LRRC37A: variants seen among roughly 807,000 people sequenced by gnomAD.
The protein encoded by LRRC37A is leucine-rich repeat-containing protein 37A.
In LRRC37A, 3 loss-of-function variants were observed where a neutral mutation model predicts 35.4. The observed-to-expected ratio is 0.08, with a 90% CI of 0.04 to 0.22. The LOEUF is 0.22. Ranked by LOEUF, LRRC37A falls within the 10% of genes least tolerant of loss-of-function variation. LRRC37A has a pLI of 1.00. For missense variants in LRRC37A, 67 were observed against 565.3 expected (o/e 0.12, Z 8.94); for synonymous variants, 23 against 215.0 (o/e 0.11, Z 7.81).
At chr17:46,261,859 A>G in the LRRC37A span, among the ~76,000 whole-genome samples, 1 of 152,336 alleles carries the variant, frequency 6.6e-6, no homozygotes, top group Non-Finnish European at 1.5e-5. Context: ...AACTTTTTAA[A>G]TGTTTAATAA....
chr17:46,266,803 C>T, the LRRC37A span, among the ~76,000 whole-genome samples: 3 of 151,852 alleles, frequency 2.0e-5, no homozygotes, highest in African/African-American at 7.3e-5. Flanking sequence ...TCCGTGAGGC[C>T]GCACACGCTC....
the LRRC37A span, among the ~76,000 whole-genome samples, chr17:46,282,018 A>G: frequency 6.6e-6 from 1 of 151,962 alleles, no homozygotes; most frequent in Non-Finnish European, 1.5e-5. Flanking sequence ...CCTTGCCTAT[A>G]TATATATTCA....
the LRRC37A span, among the ~76,000 whole-genome samples, chr17:46,269,276 G>A: frequency 2.0e-5 from 3 of 152,372 alleles, no homozygotes; most frequent in South Asian, 6.2e-4. Context: ...GCTCACACCT[G>A]TAATCCCAGC....
the LRRC37A span, among the ~76,000 whole-genome samples, chr17:46,250,731 T>G: frequency 4.2e-4 from 64 of 152,212 alleles, no homozygotes; most frequent in Non-Finnish European, 3.7e-4. Context: ...ATTCTGTCCC[T>G]CTAGAGAACC....
the LRRC37A span, chr17:46,268,737 A>G: frequency 7.4e-7 from 1 of 1,342,532 alleles, no homozygotes; most frequent in Non-Finnish European, 9.9e-7. Context: ...GACATCGGCA[A>G]CAAGACATGA....
At chr17:46,268,603 G>A in the LRRC37A span, 1 of 1,548,650 alleles carries the variant, frequency 6.5e-7, no homozygotes, top group Non-Finnish European at 8.7e-7. Context: ...CCAGGGGATG[G>A]ACTGCTGAGG....
the LRRC37A span, among the ~76,000 whole-genome samples, chr17:46,278,264 T>C: frequency 6.6e-6 from 1 of 152,214 alleles, no homozygotes; most frequent in Non-Finnish European, 1.5e-5. Context: ...TTTCTTATAC[T>C]GCTCTTTCTT....
chr17:46,332,972 C>A (rs1388059962), intron 10 of LRRC37A, among the ~76,000 whole-genome samples: 1 of 150,718 alleles, frequency 6.6e-6, no homozygotes, highest in African/African-American at 2.5e-5. Flanking sequence ...CATCAAGTCA[C>A]CCTTACTCTG....
At chr17:46,266,266 C>G in the LRRC37A span, among the ~76,000 whole-genome samples, 1 of 152,204 alleles carries the variant, frequency 6.6e-6, no homozygotes, top group Non-Finnish European at 1.5e-5. Context: ...CCCTCAGTCC[C>G]GAAACACCCT....
chr17:46,267,891 ATCTTT>A, the LRRC37A span, among the ~76,000 whole-genome samples: 1 of 118,352 alleles, frequency 8.4e-6, no homozygotes, highest in Non-Finnish European at 1.7e-5. Flanking sequence ...CCACTCCCAC[ATCTTT>A]TTTTTTTTTT....
the LRRC37A span, among the ~76,000 whole-genome samples, chr17:46,266,230 C>A: frequency 6.6e-6 from 1 of 152,206 alleles, no homozygotes; most frequent in Non-Finnish European, 1.5e-5. Flanking sequence ...AAAAAAGCGG[C>A]CATCACTCTT....
chr17:46,272,069 T>C, the LRRC37A span, among the ~76,000 whole-genome samples: 2 of 152,260 alleles, frequency 1.3e-5, no homozygotes, highest in Non-Finnish European at 2.9e-5. Flanking sequence ...CACAATTTTA[T>C]TTAAACCTCC....
chr17:46,291,781 CAAT>C (rs1420111548), upstream of LRRC37A, among the ~76,000 whole-genome samples: 1 of 151,590 alleles, frequency 6.6e-6, no homozygotes, highest in African/African-American at 2.4e-5. Flanking sequence ...ATGACAACAA[CAAT>C]AACAACAAAA....
At chr17:46,265,469 T>TCCACCTCCTCCTCCTCC in the LRRC37A span, among the ~76,000 whole-genome samples, 14,663 of 143,452 alleles carry the variant, frequency 0.1, no homozygotes, top group Non-Finnish European at 0.16. Context: ...CTCCTCTTCC[T>TCCACCTCCTCCTCCTCC]TCTTCTTCTT....
the LRRC37A span, among the ~76,000 whole-genome samples, chr17:46,275,896 T>C: frequency 0.12 from 18,478 of 150,002 alleles, no homozygotes; most frequent in Non-Finnish European, 0.18. Flanking sequence ...TATTCACAAT[T>C]TTTTTTTTTT....
chr17:46,267,331 G>A, the LRRC37A span: 17 of 1,474,160 alleles, frequency 1.2e-5, no homozygotes, highest in South Asian at 1.6e-4. Flanking sequence ...AGCGATGAAC[G>A]GGATAGTGCA....
chr17:46,281,522 T>C, the LRRC37A span, among the ~76,000 whole-genome samples: 4 of 152,196 alleles, frequency 2.6e-5, no homozygotes, highest in African/African-American at 4.8e-5. Flanking sequence ...CTTGAACTCC[T>C]GGGCACAAGT....
At chr17:46,272,784 G>A in the LRRC37A span, among the ~76,000 whole-genome samples, 1 of 152,210 alleles carries the variant, frequency 6.6e-6, no homozygotes, top group East Asian at 1.9e-4. Flanking sequence ...ACTATAAAAT[G>A]TCTTTATGTA....
upstream of LRRC37A, among the ~76,000 whole-genome samples, chr17:46,290,636 G>A (rs1187890997): frequency 1.1e-4 from 17 of 151,598 alleles, no homozygotes. Context: ...TAGTACAGAC[G>A]GGGTTTCGCC....
Sources: allele counts gnomAD v4.1 joint callset (sites outside exome capture counted in the v4.1 genomes callset), GRCh38; gene constraint gnomAD v4.1.1; transcripts MANE v1.5; gene names NCBI Gene and HGNC (gene_info 2026-07-23, HGNC 2026-07-21).